Variants in WWOX observed in about 807,000 individuals in gnomAD.
The protein encoded by WWOX is WW domain containing oxidoreductase.
In WWOX, 69 loss-of-function variants were observed where a neutral mutation model predicts 46.2. The observed-to-expected ratio is 1.49, with a 90% CI of 1.23 to 1.82. The LOEUF (loss-of-function observed/expected upper bound fraction) is 1.82. Ranked by LOEUF, WWOX falls within the 40% of genes most tolerant of loss-of-function variation. The pLI is 0.00. For missense variants in WWOX, 919 were observed against 542.6 expected (o/e 1.69, Z -6.89); for synonymous variants, 359 against 202.6 (o/e 1.77, Z -6.56).
chr16:79,193,602 G>A (rs1270624949), intron 8 of WWOX, among the ~76,000 whole-genome samples: 4 of 152,248 alleles, frequency 2.6e-5, no homozygotes, highest in Middle Eastern at 6.8e-3. Flanking sequence ...TAAAGTAAGC[G>A]TTTCATTCAA....
chr16:78,425,288 C>G (rs1053426548), intron 7 of WWOX, among the ~76,000 whole-genome samples: 2 of 152,112 alleles, frequency 1.3e-5, no homozygotes, highest in African/African-American at 2.4e-5. Context: ...ATACTTCAAG[C>G]TCCTCATTGA....
chr16:79,009,767 A>C (rs1219360328), intron 8 of WWOX, among the ~76,000 whole-genome samples: 2 of 152,108 alleles, frequency 1.3e-5, no homozygotes, highest in African/African-American at 4.8e-5. Context: ...AAATTTTCAA[A>C]GGAAGAAATG....
intron 6 of WWOX, among the ~76,000 whole-genome samples, chr16:78,418,192 C>G (rs1390508065): frequency 6.6e-6 from 1 of 152,016 alleles, no homozygotes; most frequent in Non-Finnish European, 1.5e-5. Flanking sequence ...AACCCCGTCT[C>G]TACTAAAAAT....
chr16:78,593,047 G>A (rs77858417), intron 8 of WWOX, among the ~76,000 whole-genome samples: 2,527 of 152,274 alleles, frequency 0.017, 48 homozygotes, highest in East Asian at 0.079. Context: ...TAGCACCAAT[G>A]TGTCTAGGCA....
intron 8 of WWOX, among the ~76,000 whole-genome samples, chr16:78,613,441 C>T (rs2045946333): frequency 6.6e-6 from 1 of 152,252 alleles, no homozygotes; most frequent in South Asian, 2.1e-4. Context: ...CTATGAGGGT[C>T]ATCTGGGAAA....
chr16:78,191,567 G>A (rs891532860), intron 5 of WWOX, among the ~76,000 whole-genome samples: 3 of 152,268 alleles, frequency 2.0e-5, no homozygotes, highest in Middle Eastern at 3.4e-3. Context: ...GTGTGAATAT[G>A]TTAATTCCTT....
intron 8 of WWOX, among the ~76,000 whole-genome samples, chr16:78,706,058 GTT>G (rs3051058): frequency 7.5e-5 from 8 of 106,418 alleles, no homozygotes; most frequent in South Asian, 3.6e-4. Flanking sequence ...GTTATGGCAG[GTT>G]TTTTTTTTTT....
At chr16:78,308,927 G>C (rs1402213441) in intron 5 of WWOX, among the ~76,000 whole-genome samples, 1 of 152,112 alleles carries the variant, frequency 6.6e-6, no homozygotes, top group Non-Finnish European at 1.5e-5. Flanking sequence ...AGTCCTATCT[G>C]TTGATCTCGG....
At chr16:78,581,788 C>T (rs1339774508) in intron 8 of WWOX, among the ~76,000 whole-genome samples, 1 of 152,138 alleles carries the variant, frequency 6.6e-6, no homozygotes, top group African/African-American at 2.4e-5. Context: ...GGACTTAATA[C>T]AAAAGTTTTC....
At chr16:78,833,903 G>T (rs769465258) in intron 8 of WWOX, among the ~76,000 whole-genome samples, 3 of 152,226 alleles carry the variant, frequency 2.0e-5, no homozygotes, top group African/African-American at 7.2e-5. Context: ...TTGTCTCCCA[G>T]TGGAATATAA....
chr16:78,754,630 C>T (rs1432206085), intron 8 of WWOX, among the ~76,000 whole-genome samples: 1 of 152,076 alleles, frequency 6.6e-6, no homozygotes. Flanking sequence ...ATAAAAAAAG[C>T]ATGGAAACTG....
intron 8 of WWOX, among the ~76,000 whole-genome samples, chr16:78,961,463 GGATGGATGGATGGATGGATAGGTA>G (rs2046269559): frequency 6.6e-6 from 1 of 151,966 alleles, no homozygotes; most frequent in Non-Finnish European, 1.5e-5. Flanking sequence ...ATGGGTGGAT[GGATGGATGGATGGATGGATAGGTA>G]GATGGATGGA....
At chr16:78,449,573 CTT>C (rs925660650) in intron 8 of WWOX, among the ~76,000 whole-genome samples, 2 of 152,126 alleles carry the variant, frequency 1.3e-5, no homozygotes, top group African/African-American at 4.8e-5. Flanking sequence ...ATAAGTTTGT[CTT>C]TTCTTCGTTC....
chr16:78,688,245 G>T (rs931435950), intron 8 of WWOX, among the ~76,000 whole-genome samples: 1 of 151,734 alleles, frequency 6.6e-6, no homozygotes, highest in East Asian at 1.9e-4. Context: ...TATTTAAGTT[G>T]TAGAAAGCTT....
intron 8 of WWOX, among the ~76,000 whole-genome samples, chr16:78,454,077 A>G (rs1048812166): frequency 2.0e-5 from 3 of 152,188 alleles, no homozygotes; most frequent in Non-Finnish European, 2.9e-5. Flanking sequence ...TTTATTAACT[A>G]ATACCCAAGA....
At chr16:78,109,221 T>C (rs75551868) in intron 2 of WWOX, among the ~76,000 whole-genome samples, 2,087 of 152,256 alleles carry the variant, frequency 0.014, 53 homozygotes, top group African/African-American at 0.048. Context: ...GCACGGTGGC[T>C]TGTGCTTGTG....
intron 8 of WWOX, among the ~76,000 whole-genome samples, chr16:78,607,264 A>G (rs962254668): frequency 2.0e-5 from 3 of 152,328 alleles, no homozygotes; most frequent in South Asian, 2.1e-4. Flanking sequence ...AATATTTAAT[A>G]AACTATATTA....
intron 8 of WWOX, among the ~76,000 whole-genome samples, chr16:79,035,274 C>T (rs1032365172): frequency 2.6e-5 from 4 of 152,198 alleles, no homozygotes; most frequent in Admixed American, 6.5e-5. Context: ...GGCTCTACTC[C>T]TGGAAACCCA....
chr16:79,153,605 GCAAT>G (rs2050323785), intron 8 of WWOX, among the ~76,000 whole-genome samples: 1 of 152,094 alleles, frequency 6.6e-6, no homozygotes, highest in African/African-American at 2.4e-5. Flanking sequence ...TGTCCAAAAA[GCAAT>G]AAAGAACCTC....
Sources: allele counts gnomAD v4.1 joint callset (sites outside exome capture counted in the v4.1 genomes callset), GRCh38; gene constraint gnomAD v4.1.1; transcripts MANE v1.5; gene names NCBI Gene and HGNC (gene_info 2026-07-23, HGNC 2026-07-21).